SHANK2: variants seen among roughly 807,000 people sequenced by gnomAD.
The protein encoded by SHANK2 is SH3 and multiple ankyrin repeat domains protein 2.
In SHANK2, 43 loss-of-function variants were observed where a neutral mutation model predicts 133.7. That is an observed-to-expected ratio of 0.32 (90% CI 0.25 to 0.41). The LOEUF is 0.41. SHANK2 is among the 10% of genes least tolerant of loss of function. The pLI is 1.00. For synonymous variants in SHANK2, 1,017 were observed against 952.8 expected, an observed-to-expected ratio of 1.07 and a Z score of -1.24; for missense variants, 1,994 against 2,235.8, an observed-to-expected ratio of 0.89 and a Z score of 2.18.
intron 10 of SHANK2, among the ~76,000 whole-genome samples, chr11:70,947,235 A>G (rs1950761342): frequency 6.6e-6 from 1 of 151,942 alleles, no homozygotes; most frequent in Admixed American, 6.6e-5. Context: ...ACCCAAATGT[A>G]AGGAACAAGG....
intron 2 of SHANK2, among the ~76,000 whole-genome samples, chr11:71,208,974 T>A (rs1954189634): frequency 6.6e-6 from 1 of 152,108 alleles, no homozygotes; most frequent in Admixed American, 6.5e-5. Flanking sequence ...TCTGCAGAAG[T>A]AAGATGCACC....
At chr11:71,083,987 G>GA (rs1412239879) in intron 8 of SHANK2, among the ~76,000 whole-genome samples, 13 of 149,578 alleles carry the variant, frequency 8.7e-5, no homozygotes, top group African/African-American at 3.2e-4. Context: ...TTTGGGGGGG[G>GA]GAGACAGAGT....
At chr11:70,539,335 T>C (rs1251953022) in intron 17 of SHANK2, among the ~76,000 whole-genome samples, 1 of 152,104 alleles carries the variant, frequency 6.6e-6, no homozygotes, top group Non-Finnish European at 1.5e-5. Flanking sequence ...TAAATGATGT[T>C]CTCCATTTAA....
At chr11:70,498,540 G>GTC (rs2059005310) in intron 21 of SHANK2, among the ~76,000 whole-genome samples, 1 of 152,204 alleles carries the variant, frequency 6.6e-6, no homozygotes, top group African/African-American at 2.4e-5. Context: ...AATCCTGCCT[G>GTC]ACAGCCGGCT....
At chr11:70,911,807 C>T (rs990511508) in intron 10 of SHANK2, among the ~76,000 whole-genome samples, 14 of 151,960 alleles carry the variant, frequency 9.2e-5, no homozygotes, top group East Asian at 3.9e-4. Flanking sequence ...AGTGGCCAGG[C>T]GTGGTGGCTC....
At chr11:71,078,756 C>G (rs1055066413) in intron 8 of SHANK2, among the ~76,000 whole-genome samples, 1 of 152,232 alleles carries the variant, frequency 6.6e-6, no homozygotes, top group East Asian at 1.9e-4. Context: ...AGTTACCACC[C>G]TTTTCCTAGC....
chr11:70,825,054 C>T (rs1476104588), intron 11 of SHANK2, among the ~76,000 whole-genome samples: 6 of 152,104 alleles, frequency 3.9e-5, no homozygotes, highest in Admixed American at 2.6e-4. Context: ...GTCACGGAAA[C>T]GCTGCCTCCC....
chr11:70,803,699 G>C (rs1356928470), intron 13 of SHANK2, among the ~76,000 whole-genome samples: 4 of 151,976 alleles, frequency 2.6e-5, no homozygotes, highest in African/African-American at 9.7e-5. Context: ...ACACAGCTTG[G>C]ACAGGAGCCT....
chr11:70,792,407 C>T (rs1172870179), intron 14 of SHANK2, among the ~76,000 whole-genome samples: 1 of 150,712 alleles, frequency 6.6e-6, no homozygotes, highest in African/African-American at 2.4e-5. Flanking sequence ...AACCAACCAA[C>T]CAACCAACCA....
At chr11:71,190,117 C>T (rs1051788144) in intron 2 of SHANK2, among the ~76,000 whole-genome samples, 5 of 152,240 alleles carry the variant, frequency 3.3e-5, no homozygotes, top group Non-Finnish European at 5.9e-5. Flanking sequence ...CCCAACCCCA[C>T]GACTGAAAAA....
chr11:71,212,166 C>T (rs1374377780), intron 2 of SHANK2, among the ~76,000 whole-genome samples: 1 of 152,142 alleles, frequency 6.6e-6, no homozygotes, highest in Non-Finnish European at 1.5e-5. Flanking sequence ...GCCCTGGCTG[C>T]CAGGAAGCTC....
At chr11:70,770,108 G>A (rs538593078) in intron 14 of SHANK2, among the ~76,000 whole-genome samples, 1 of 152,366 alleles carries the variant, frequency 6.6e-6, no homozygotes, top group South Asian at 2.1e-4. Context: ...AAGCAGCTGA[G>A]GGGAAGATGA....
At chr11:71,222,704 G>C (rs1376845970) in intron 2 of SHANK2, among the ~76,000 whole-genome samples, 1 of 152,238 alleles carries the variant, frequency 6.6e-6, no homozygotes, top group African/African-American at 2.4e-5. Context: ...CGAGCCTGCA[G>C]GGACACGTGC....
intron 17 of SHANK2, among the ~76,000 whole-genome samples, chr11:70,548,993 C>T (rs574871617): frequency 3.9e-5 from 6 of 152,052 alleles, no homozygotes; most frequent in Non-Finnish European, 7.4e-5. Flanking sequence ...CAGGGCCTTC[C>T]GGGAAAGCAT....
chr11:71,150,536 T>C (rs1404765794), intron 2 of SHANK2, among the ~76,000 whole-genome samples: 21 of 152,146 alleles, frequency 1.4e-4, no homozygotes, highest in African/African-American at 4.8e-4. Context: ...ATGACATTGA[T>C]AATCCCAAAT....
chr11:71,238,421 T>C (rs1343728713), intron 1 of SHANK2, among the ~76,000 whole-genome samples: 17 of 152,350 alleles, frequency 1.1e-4, no homozygotes, highest in African/African-American at 4.1e-4. Context: ...ACCTGAGATA[T>C]GTTAGTACCC....
chr11:70,901,145 G>A (rs1457521924), intron 10 of SHANK2, among the ~76,000 whole-genome samples: 3 of 152,112 alleles, frequency 2.0e-5, no homozygotes, highest in Non-Finnish European at 2.9e-5. Flanking sequence ...GATAAGGAAC[G>A]GGCTCCACAT....
intron 17 of SHANK2, among the ~76,000 whole-genome samples, chr11:70,659,574 T>C (rs2061454318): frequency 6.6e-6 from 1 of 152,114 alleles, no homozygotes; most frequent in Admixed American, 6.5e-5. Flanking sequence ...ACCTTCTACT[T>C]CAAGACCAAT....
chr11:70,542,067 G>C (rs1176206732), intron 17 of SHANK2, among the ~76,000 whole-genome samples: 1 of 152,236 alleles, frequency 6.6e-6, no homozygotes, highest in Non-Finnish European at 1.5e-5. Context: ...CAAATGCTGA[G>C]TGGCTGCTGC....
Sources: allele counts gnomAD v4.1 joint callset (sites outside exome capture counted in the v4.1 genomes callset), GRCh38; gene constraint gnomAD v4.1.1; transcripts MANE v1.5; gene names NCBI Gene and HGNC (gene_info 2026-07-23, HGNC 2026-07-21).